Variants in SOX5 observed in about 807,000 individuals in gnomAD.
SOX5 encodes SRY-box transcription factor 5.
A neutral mutation model predicts 92.0 loss-of-function variants in SOX5; 9 were observed. The ratio of observed to expected loss-of-function variants is 0.10; its 90% confidence interval spans 0.06 to 0.17. The LOEUF (loss-of-function observed/expected upper bound fraction) is 0.17, where lower values mean the gene tolerates loss of function less well. Ranked by LOEUF, SOX5 falls within the 10% of genes least tolerant of loss-of-function variation. The pLI, the probability that SOX5 is intolerant of heterozygous loss-of-function variation, is 1.00. For synonymous variants in SOX5, 344 were observed against 336.3 expected (o/e 1.02, Z -0.25); for missense variants, 642 against 944.5 (o/e 0.68, Z 4.20).
chr12:24,153,353 C>T (rs533225093), intron 4 of SOX5, among the ~76,000 whole-genome samples: 1 of 152,250 alleles, frequency 6.6e-6, no homozygotes, highest in Admixed American at 6.5e-5. Context: ...ACCAGATTTA[C>T]TGGCACACTT....
At chr12:23,663,930 G>T (rs1163086073) in intron 7 of SOX5, among the ~76,000 whole-genome samples, 3 of 152,032 alleles carry the variant, frequency 2.0e-5, no homozygotes, top group African/African-American at 7.2e-5. Flanking sequence ...AATAAATTAA[G>T]AGTCCAGAGT....
chr12:24,113,302 G>C (rs2138184969), intron 4 of SOX5, among the ~76,000 whole-genome samples: 1 of 148,730 alleles, frequency 6.7e-6, no homozygotes, highest in African/African-American at 2.5e-5. Flanking sequence ...GATACAACTA[G>C]GTTGTTATCT....
intron 4 of SOX5, among the ~76,000 whole-genome samples, chr12:23,980,872 T>C (rs1472296813): frequency 6.6e-6 from 1 of 152,170 alleles, no homozygotes; most frequent in Non-Finnish European, 1.5e-5. Context: ...CAAGCTGTTA[T>C]GGCAAGAATT....
chr12:23,704,308 T>A (rs2091072623), intron 6 of SOX5, among the ~76,000 whole-genome samples: 1 of 151,890 alleles, frequency 6.6e-6, no homozygotes, highest in Non-Finnish European at 1.5e-5. Flanking sequence ...CCATATCTTG[T>A]TTAACCCGAA....
chr12:24,528,212 C>G (rs1355267753), intron 1 of SOX5, among the ~76,000 whole-genome samples: 1 of 152,232 alleles, frequency 6.6e-6, no homozygotes, highest in African/African-American at 2.4e-5. Flanking sequence ...CTCTTTGCCA[C>G]TTCTCAAGAT....
At chr12:23,988,828 C>T (rs1950289018) in intron 4 of SOX5, among the ~76,000 whole-genome samples, 1 of 152,046 alleles carries the variant, frequency 6.6e-6, no homozygotes, top group Non-Finnish European at 1.5e-5. Context: ...ATTAAGTTTT[C>T]TAAGTCACCG....
intron 1 of SOX5, among the ~76,000 whole-genome samples, chr12:24,532,485 A>G: frequency 6.6e-6 from 1 of 152,344 alleles, no homozygotes; most frequent in South Asian, 2.1e-4. Context: ...AAGAACGTGG[A>G]CACAGACCCA....
chr12:23,803,484 A>C (rs1169595545), intron 3 of SOX5, among the ~76,000 whole-genome samples: 3 of 152,186 alleles, frequency 2.0e-5, no homozygotes, highest in African/African-American at 4.8e-5. Context: ...TTGTAAAGCC[A>C]AAAACCCCAT....
At chr12:24,176,986 T>TGG (rs1954890529) in intron 4 of SOX5, among the ~76,000 whole-genome samples, 2 of 151,592 alleles carry the variant, frequency 1.3e-5, no homozygotes, top group East Asian at 1.9e-4. Context: ...TGTTTTTTTT[T>TGG]TTTTTTTTTG....
chr12:23,959,988 C>G (rs1235801342), intron 4 of SOX5, among the ~76,000 whole-genome samples: 1 of 152,204 alleles, frequency 6.6e-6, no homozygotes, highest in Non-Finnish European at 1.5e-5. Context: ...TTATCTCAGA[C>G]ATAGCACTTG....
At chr12:24,354,054 T>TA (rs1954475263) in intron 2 of SOX5, among the ~76,000 whole-genome samples, 3 of 152,252 alleles carry the variant, frequency 2.0e-5, no homozygotes, top group African/African-American at 4.8e-5. Flanking sequence ...ACCAAGTTTA[T>TA]AAGTCTTATA....
chr12:23,534,541 C>G lies in SOX5; in HGVS notation c.1989-19G>C, dbSNP rs757686214. ...TTGTTGCCTGTCAAGAAAGGAATTTCCAAAAAGACATCGTGGGTAAGTGAA... is the reference window on the plus strand; with the variant it reads ...TTGTTGCCTGTCAAGAAAGGAATTTGCAAAAAGACATCGTGGGTAAGTGAA... On this transcript the variant is annotated intron_variant, in intron 14 of 14. Transcript: ENST00000451604. The G allele has an allele frequency of 6.3e-7, 1 of 1,595,534 alleles. No homozygotes were observed. The highest frequency in any genetic ancestry group is 8.5e-7 in the Non-Finnish European group (1 of 1,170,864).
chr12:23,703,757 C>T (rs895312953), intron 6 of SOX5, among the ~76,000 whole-genome samples: 1 of 150,526 alleles, frequency 6.6e-6, no homozygotes. Flanking sequence ...CACACAAACA[C>T]CATGATATAG....
At chr12:23,634,181 G>A (rs1206580441) in intron 8 of SOX5, among the ~76,000 whole-genome samples, 3 of 152,044 alleles carry the variant, frequency 2.0e-5, no homozygotes, top group Non-Finnish European at 4.4e-5. Flanking sequence ...TATTTGCTAG[G>A]CATTCTTCTG....
chr12:24,014,226 G>C (rs1456075082), intron 4 of SOX5, among the ~76,000 whole-genome samples: 1 of 152,190 alleles, frequency 6.6e-6, no homozygotes, highest in Non-Finnish European at 1.5e-5. Context: ...GGAAAGCTCA[G>C]ATAAGCCAAC....
intron 1 of SOX5, among the ~76,000 whole-genome samples, chr12:24,374,112 A>C (rs1489231514): frequency 2.0e-5 from 3 of 152,198 alleles, no homozygotes; most frequent in Non-Finnish European, 2.9e-5. Context: ...TTGGGCAAAG[A>C]AAGAGGTAGA....
intron 6 of SOX5, among the ~76,000 whole-genome samples, chr12:23,675,002 A>G (rs943662394): frequency 9.2e-5 from 14 of 152,136 alleles, no homozygotes; most frequent in African/African-American, 2.9e-4. Flanking sequence ...GGCTTTGCCT[A>G]TTTTGGTAGA....
At chr12:24,199,555 C>G (rs1191053597) in intron 4 of SOX5, among the ~76,000 whole-genome samples, 1 of 152,150 alleles carries the variant, frequency 6.6e-6, no homozygotes, top group Non-Finnish European at 1.5e-5. Context: ...AACTGAATGG[C>G]TTGGAATAGA....
At chr12:24,295,626 C>G (rs1947125837) in intron 2 of SOX5, among the ~76,000 whole-genome samples, 1 of 152,178 alleles carries the variant, frequency 6.6e-6, no homozygotes, top group Non-Finnish European at 1.5e-5. Flanking sequence ...TTCAGTGGTA[C>G]AATCTTGGCT....
Sources: allele counts gnomAD v4.1 joint callset (sites outside exome capture counted in the v4.1 genomes callset), GRCh38; gene constraint gnomAD v4.1.1; transcripts MANE v1.5; gene names NCBI Gene and HGNC (gene_info 2026-07-23, HGNC 2026-07-21).